Variants in RALGAPB observed in about 807,000 individuals in gnomAD.
The protein encoded by RALGAPB is ral GTPase-activating protein subunit beta.
In RALGAPB, 25 loss-of-function variants were observed where a neutral mutation model predicts 161.1. The observed-to-expected ratio is 0.16, with a 90% CI of 0.11 to 0.22. The LOEUF is 0.22. Ranked by LOEUF, RALGAPB falls within the 10% of genes least tolerant of loss-of-function variation. The pLI is 1.00. For missense variants in RALGAPB, 1,391 were observed against 1,815.2 expected, an observed-to-expected ratio of 0.77 and a Z score of 4.25; for synonymous variants, 629 against 626.1, an observed-to-expected ratio of 1.00 and a Z score of -0.07.
intron 1 of RALGAPB, among the ~76,000 whole-genome samples, chr20:38,474,443 A>G (rs1451993956): frequency 6.6e-6 from 1 of 151,734 alleles, no homozygotes; most frequent in African/African-American, 2.4e-5. Flanking sequence ...CGCTTGGCTA[A>G]TTTTTGAATT....
At chr20:38,531,348 A>G in intron 14 of RALGAPB, 117 bp downstream of exon 14, 1 of 833,806 alleles carries the variant, frequency 1.2e-6, no homozygotes, top group Non-Finnish European at 1.9e-6. Context: ...AATCCTGCTC[A>G]TTGGCTCAGA....
At chr20:38,545,247 A>G (rs979490252) in intron 18 of RALGAPB, among the ~76,000 whole-genome samples, 3 of 152,172 alleles carry the variant, frequency 2.0e-5, no homozygotes, top group Non-Finnish European at 4.4e-5. Flanking sequence ...ATGATATTAT[A>G]TGAAATGTTA....
At chr20:38,529,584 G>C (rs1053254411) in intron 13 of RALGAPB, among the ~76,000 whole-genome samples, 1 of 151,946 alleles carries the variant, frequency 6.6e-6, no homozygotes, top group African/African-American at 2.4e-5. Context: ...TGTAATCCCA[G>C]AACTTTGGGA....
intron 2 of RALGAPB, among the ~76,000 whole-genome samples, chr20:38,491,953 C>T (rs1418360517): frequency 6.6e-6 from 1 of 152,172 alleles, no homozygotes; most frequent in African/African-American, 2.4e-5. Flanking sequence ...AAAGTTTTGT[C>T]TGGAATTCAC....
chr20:38,578,734 G>A lies in RALGAPB; in HGVS notation c.*3767G>A, dbSNP rs1475161562. On this transcript the variant is annotated 3_prime_UTR_variant, in exon 30 of 30. Transcript: ENST00000262879. ...CCCTTGCCTCCTGTGTTTCATCTTC[G>A]TCGGTTAGGGAAGAAGGTCCAGAGG... is the stretch of plus-strand genomic sequence containing the variant. 2 of 152,542 alleles carry A rather than the reference G, an allele frequency of 1.3e-5. No individual in the cohort carries two copies. Among genetic ancestry groups the A allele is most frequent in the African/African-American group, 2.4e-5 (1 of 41,414 alleles). 9.4% of individuals were successfully genotyped at this position (152,542 alleles called of 1,614,324 possible).
chr20:38,542,007 T>C (rs780232633), intron 18 of RALGAPB, among the ~76,000 whole-genome samples: 3 of 151,948 alleles, frequency 2.0e-5, no homozygotes, highest in Non-Finnish European at 4.4e-5. Context: ...GCAGAGAAAG[T>C]TGAGAGAGTT....
chr20:38,561,645 A>G (rs957630091), intron 23 of RALGAPB, among the ~76,000 whole-genome samples: 9 of 151,860 alleles, frequency 5.9e-5, no homozygotes, highest in African/African-American at 2.2e-4. Context: ...TCTGCTCTCT[A>G]CCCTCCCCCT....
At position 38,566,326 on chromosome 20, in the gene RALGAPB, C is replaced by T. The variant is rs368025973; in HGVS notation, c.3818-770C>T. 1.6e-4 allele frequency among the ~76,000 whole-genome samples: 24 copies of T among 152,258 alleles called. No homozygotes were observed. In the East Asian group the frequency reaches 3.7e-3, roughly 23 times the overall value. ...GAATTATAACAGCTGTTGGGCTTCC[C>T]GTCAAGGTTCTGGTTTACTACTTAT... On this transcript the variant is annotated intron_variant, in intron 25 of 29. Transcript: ENST00000262879.
chr20:38,479,898 G>A (rs1432286908), intron 1 of RALGAPB, among the ~76,000 whole-genome samples: 1 of 152,078 alleles, frequency 6.6e-6, no homozygotes, highest in Admixed American at 6.5e-5. Flanking sequence ...TATCCCTTCA[G>A]TGTATCTTGG....
At chr20:38,493,330 G>A (rs1488899138) in intron 3 of RALGAPB, among the ~76,000 whole-genome samples, 198 bp downstream of exon 3, 1 of 152,164 alleles carries the variant, frequency 6.6e-6, no homozygotes, top group Non-Finnish European at 1.5e-5. Flanking sequence ...ACAGGTATGT[G>A]TTCTTTAAAG....
Position 38,499,527 on chromosome 20 carries a change from C to A in RALGAPB, c.634C>A (p.Pro212Thr). The A allele has an allele frequency of 6.2e-7, 1 of 1,613,818 alleles. No homozygotes were observed. The highest frequency in any genetic ancestry group is 8.5e-7 in the Non-Finnish European group (1 of 1,179,926). ...GTTACTAGCTTGTACTCGGTGCTTC[C>A]CAACACCTCCTTATTGGAAAACAGC... ...VWLLACTRCF[P>T]TPPYWKTAKE... The change falls in exon 5 of 30, where the codon CCA (proline) becomes ACA (threonine). Residue 212 changes from proline to threonine, a missense_variant. Transcript: ENST00000262879.
intron 13 of RALGAPB, among the ~76,000 whole-genome samples, chr20:38,530,817 G>A (rs1317244428): frequency 6.6e-6 from 1 of 150,652 alleles, no homozygotes; most frequent in Non-Finnish European, 1.5e-5. Flanking sequence ...GGCTAGTCTC[G>A]AACTCTTGAC....
intron 14 of RALGAPB, 71 bp downstream of exon 14, chr20:38,531,302 T>C: frequency 1.5e-6 from 2 of 1,319,858 alleles, no homozygotes; most frequent in Middle Eastern, 1.8e-4. Flanking sequence ...TTCCAGAATG[T>C]CCATCTTTGT....
chr20:38,574,262 C>T lies in RALGAPB; in HGVS notation c.4255C>T (p.Leu1419Phe), dbSNP rs867354135. The change falls in exon 29 of 30, where the codon CTT (leucine) becomes TTT (phenylalanine). Residue 1419 changes from leucine to phenylalanine, a missense_variant. By Grantham distance (22) the Leu-to-Phe change is conservative. This residue lies in a region of RALGAPB where 436 missense variants were observed against 527.0 expected (regional missense o/e 0.83). Coordinates refer to ENST00000262879, the MANE Select transcript of RALGAPB (RefSeq NM_020336.4). ...ATGKFNMVIP[L>F]VDGMIVSRRA... ...TGGAAAATTTAATATGGTCATCCCT[C>T]TTGTGGATGGGATGATTGTCAGCAG... The T allele has an allele frequency of 5.0e-6, 8 of 1,613,038 alleles. No homozygotes were observed. Among genetic ancestry groups the T allele is most frequent in the African/African-American group, 1.3e-5 (1 of 74,824 alleles).
chr20:38,485,576 G>A (rs1459392911), intron 1 of RALGAPB, among the ~76,000 whole-genome samples: 5 of 152,052 alleles, frequency 3.3e-5, no homozygotes, highest in African/African-American at 9.6e-5. Context: ...ACAGGTGCCC[G>A]CCACCACACC....
At chr20:38,497,332 A>C in intron 3 of RALGAPB, 21 bp from the exon 4 acceptor site, 2 of 1,609,958 alleles carry the variant, frequency 1.2e-6, no homozygotes, top group Non-Finnish European at 1.7e-6. Context: ...CTTGTCAGTG[A>C]TATCTGTCTG....
rs900741977 is a variant in RALGAPB, at chr20:38,517,065, C to T, written c.1052-441C>T. The stretch of plus-strand genomic sequence containing the variant: ...CTAGGCAGTGTAATGGTTCCATCAC[C>T]AGCAGGGATCCAAGGCCCTTCCATC... On this transcript the variant is annotated intron_variant, in intron 7 of 29. Transcript: ENST00000262879. Among the ~76,000 whole-genome samples the T allele has an allele frequency of 5.9e-5, 9 of 152,168 alleles. No individual in the cohort carries two copies. The East Asian group carries it at 1.7e-3, about 29-fold the overall frequency.
intron 6 of RALGAPB, among the ~76,000 whole-genome samples, chr20:38,510,055 G>GT (rs1176924953): frequency 6.6e-6 from 1 of 150,980 alleles, no homozygotes; most frequent in Non-Finnish European, 1.5e-5. Context: ...TTCCAATGTT[G>GT]TTTCCTTTGT....
chr20:38,520,287 C>A, intron 9 of RALGAPB: 1 of 870,950 alleles, frequency 1.1e-6, no homozygotes, highest in Non-Finnish European at 1.4e-6. Flanking sequence ...TAAGTAGGAA[C>A]CAGAAGCTTC....
Sources: gnomAD v4.1 joint callset for allele counts (sites outside exome capture counted in the v4.1 genomes callset) on GRCh38, gnomAD v4.1.1 for gene constraint, gnomAD v4.1.1 regional missense constraint, MANE v1.5 for transcripts, NCBI Gene and HGNC (gene_info 2026-07-23, HGNC 2026-07-21) for gene names.